The following RHOT2 variants were observed in gnomAD, a reference collection of about 807,000 sequenced individuals.
RHOT2 encodes mitochondrial Rho GTPase 2.
Under a neutral mutation model 81.6 loss-of-function variants are expected in RHOT2, and 90 were observed. That is an observed-to-expected ratio of 1.10 (90% CI 0.93 to 1.31). RHOT2 has a LOEUF of 1.31. Ranked by LOEUF, RHOT2 falls within the 40% of genes most tolerant of loss-of-function variation. The pLI, the probability that RHOT2 is intolerant of heterozygous loss-of-function variation, is 0.00. For missense variants in RHOT2, 1,014 were observed against 841.9 expected (o/e 1.20, Z -2.53); for synonymous variants, 512 against 370.9 (o/e 1.38, Z -4.37).
chr16:670,423 G>T (rs751073581), intron 7 of RHOT2, 33 bp from the exon 8 acceptor site: 2 of 1,607,808 alleles, frequency 1.2e-6, no homozygotes, highest in Admixed American at 3.4e-5. Context: ...CCCTCCTCGG[G>T]GCACTTCCCT....
In RHOT2 at chr16:672,215, T is replaced by C. The variant is rs2039079781; in HGVS notation, c.1195+34T>C. ...CCACCCTCCCTGGGCCTGGGCCCAG[T>C]ATCCTGGCAGCTGCCCTAACCCGTG... is the stretch of plus-strand genomic sequence containing the variant. On this transcript the variant is annotated intron_variant, in intron 14 of 18. Coordinates refer to ENST00000315082, the MANE Select transcript of RHOT2 (RefSeq NM_138769.3). The C allele has an allele frequency of 2.5e-6, 4 of 1,611,936 alleles. No homozygotes were observed. In the East Asian group the frequency reaches 8.9e-5, roughly 36 times the overall value.
rs750472415 is a variant in RHOT2, at chr16:669,558, CGTG to C, written c.232_234del (p.Val78del). 89 of 1,611,948 alleles carry C rather than the reference CGTG, an allele frequency of 5.5e-5. No homozygotes were observed. Among genetic ancestry groups the C allele is most frequent in the Non-Finnish European group, 7.1e-5 (84 of 1,179,850 alleles). On this transcript the variant is annotated inframe_deletion, in exon 5 of 19. Transcript: ENST00000315082. ...CCTCATCACTGTTCCCTCAGGCAAA[CGTG>C]GTGTGTGTGGTGTATGACGTCTCTG...
chr16:672,836 G>A lies in RHOT2; in HGVS notation c.1527+11G>A. On this transcript the variant is annotated intron_variant, in intron 17 of 18. Transcript: ENST00000315082. ...GCCAGCGTCTACAAGGTGGGGCCCT[G>A]CAGGGGCCACGTGGCCATGGGGCAG... is the stretch of plus-strand genomic sequence containing the variant. 6.2e-7 allele frequency: 1 copy of A among 1,612,564 alleles called. No individual in the cohort carries two copies. The highest frequency in any genetic ancestry group is 8.5e-7 in the Non-Finnish European group (1 of 1,179,972).
chr16:671,826 CGGCACACACAT>C, intron 12 of RHOT2, 23 bp from the exon 13 acceptor site: 1 of 1,604,502 alleles, frequency 6.2e-7, no homozygotes, highest in Non-Finnish European at 8.5e-7. Flanking sequence ...GCCCCCTCCC[CGGCACACACAT>C]CACCACATCC....
At position 671,865 on chromosome 16, in the gene RHOT2, C is replaced by T. The variant is rs749815621; in HGVS notation, c.960C>T (p.Arg320=). 7.5e-6 allele frequency: 12 copies of T among 1,607,792 alleles called. No homozygotes were observed. The highest frequency in any genetic ancestry group is 1.6e-4 in the Middle Eastern group (1 of 6,074). ...CCACATCCCTCCTTCTGCAGGACCG[C>T]GACGGCGCCCTCTCGCCCGTGGAGC... The part of the protein sequence containing the change: ...QRVFEKHDQD[R]DGALSPVELQ... The change falls in exon 13 of 19, where the codon CGC becomes CGT. Residue 320 remains arginine, a synonymous_variant. Transcript: ENST00000315082.
intron 4 of RHOT2, chr16:669,308 G>C (rs1448383983): frequency 2.3e-5 from 13 of 571,896 alleles, no homozygotes. Context: ...GGCAGTGGGC[G>C]GGGAAGAGGC....
Position 670,534 on chromosome 16 carries a change from C to G in RHOT2, c.517C>G (p.Leu173Val), listed in dbSNP as rs1476581028. 3.7e-6 allele frequency: 6 copies of G among 1,607,534 alleles called. No individual in the cohort carries two copies. The highest frequency in any genetic ancestry group is 1.1e-5 in the South Asian group (1 of 90,282). Residue 173 changes from leucine (L) to valine (V), a missense_variant, in exon 8 of 19, where the codon CTC becomes GTC. Leu to Val is a conservative substitution (Grantham distance 32). Coordinates refer to ENST00000315082, the MANE Select transcript of RHOT2 (RefSeq NM_138769.3). ...QKAVLHPTAP[L>V]YDPEAKQLRP... ...GGCCGTCCTGCATCCCACAGCCCCC[C>G]TCTATGACCCTGAGGCCAAGCAGGT...
rs2039377050 is a variant in RHOT2, at chr16:674,080, A to G, written c.*474A>G. On this transcript the variant is annotated 3_prime_UTR_variant, in exon 19 of 19. Transcript: ENST00000315082. ...GGAGCCGTTTCCGTGGTTGTAGCAG[A>G]GGACCGGAGGTTGGGTTCCTGATTA... The G allele has an allele frequency of 9.2e-6, 2 of 217,190 alleles. No homozygotes were observed. Among genetic ancestry groups the G allele is most frequent in the Non-Finnish European group, 1.9e-5 (2 of 102,976 alleles). The allele number at this position is 217,190 out of a possible 1,614,324, so 13.5% of individuals were successfully genotyped here.
Position 671,208 on chromosome 16 carries a change from G to A in RHOT2, c.869+5G>A. 1 of 1,542,828 alleles carries A rather than the reference G, an allele frequency of 6.5e-7. No homozygotes were observed. Among genetic ancestry groups the A allele is most frequent in the African/African-American group, 1.4e-5 (1 of 72,976 alleles). ...TGCGGACTATCTCTCCCCTCTGTGA[G>A]TGATGCCGGGGCTTGAGGCCTGCCC... is the stretch of plus-strand genomic sequence containing the variant. On this transcript the variant is annotated splice_donor_5th_base_variant and intron_variant, in intron 11 of 18. Transcript: ENST00000315082.
rs201536375 is a variant in RHOT2, at chr16:673,471, C to G, written c.1731-9C>G. The G allele has an allele frequency of 6.2e-7, 1 of 1,612,672 alleles. No homozygotes were observed. Among genetic ancestry groups the G allele is most frequent in the Admixed American group, 1.7e-5 (1 of 60,008 alleles). ...TGAGGTATCTGCAGATGATTCTTCT[C>G]TCTTGCAGACATTTGGTCCACGCAG... On this transcript the variant is annotated splice_polypyrimidine_tract_variant and intron_variant, in intron 18 of 18. Coordinates refer to ENST00000315082, the MANE Select transcript of RHOT2 (RefSeq NM_138769.3).
intron 12 of RHOT2, 29 bp downstream of exon 12, chr16:671,810 G>GGCCCCGGCCCCC: frequency 8.8e-6 from 14 of 1,586,148 alleles, no homozygotes; most frequent in South Asian, 2.2e-5. Context: ...CCCTGCCCCT[G>GGCCCCGGCCCCC]CCCCCGCCCC....
At chr16:668,124 GC>G, upstream of RHOT2, 1 of 417,452 alleles carries the variant, frequency 2.4e-6, no homozygotes, top group Non-Finnish European at 4.2e-6. Flanking sequence ...CGGGGCGGGC[GC>G]GGGGGCAGAG....
chr16:668,983 C>G (rs562580074), intron 4 of RHOT2: 10 of 514,594 alleles, frequency 1.9e-5, no homozygotes, highest in African/African-American at 1.6e-4. Context: ...TCTGTGTGCG[C>G]CACGTCCCCG....
In RHOT2 at chr16:673,955, AC is replaced by A. The variant is rs1266144531; in HGVS notation, c.*355del. On this transcript the variant is annotated 3_prime_UTR_variant, in exon 19 of 19. Coordinates refer to ENST00000315082, the MANE Select transcript of RHOT2 (RefSeq NM_138769.3). Reference sequence around the variant, plus strand: ...CCAGACCCAGAATTCTCAGGGCTCTACCCCCCTTTCCTGGTCCTAGGTGGCC... The same window carrying A: ...CCAGACCCAGAATTCTCAGGGCTCTACCCCCTTTCCTGGTCCTAGGTGGCC... The A allele has an allele frequency of 1.2e-5, 6 of 505,346 alleles. No homozygotes were observed. Among genetic ancestry groups the A allele is most frequent in the African/African-American group, 5.8e-5 (3 of 51,796 alleles). The allele number at this position is 505,346 out of a possible 1,614,324, so 31.3% of individuals were successfully genotyped here.
chr16:671,789 C>T lies in RHOT2; in HGVS notation c.954+8C>T. ...TTTGAGAAGCACGACCAGGTGAGAG[C>T]ATGGCGAGTCCCCTGCCCCTGCCCC... On this transcript the variant is annotated splice_region_variant and intron_variant, in intron 12 of 18. Coordinates refer to ENST00000315082, the MANE Select transcript of RHOT2 (RefSeq NM_138769.3). 1.2e-6 allele frequency: 2 copies of T among 1,607,722 alleles called. No homozygotes were observed. Among genetic ancestry groups the T allele is most frequent in the Middle Eastern group, 1.7e-4 (1 of 6,042 alleles).
rs199849249 is a variant in RHOT2 at position 673,576 on chromosome 16, A to T, written c.1827A>T (p.Ser609=). The T allele has an allele frequency of 1.2e-6, 2 of 1,611,108 alleles. No homozygotes were observed. Among genetic ancestry groups the T allele is most frequent in the African/African-American group, 2.7e-5 (2 of 74,816 alleles). The stretch of plus-strand genomic sequence containing the variant: ...CCGTGGCCGCAGTCCTCAGCTTCTC[A>T]CTCTACAGGGTCCTGGTGAAGAGCC... ...GAAVAAVLSF[S]LYRVLVKSQ is the part of the protein sequence containing the mutation. The change falls in exon 19 of 19, where the codon TCA becomes TCT. Residue 609 remains serine, a synonymous_variant. Coordinates refer to ENST00000315082, the MANE Select transcript of RHOT2 (RefSeq NM_138769.3).
rs767574962 is a variant in RHOT2, at chr16:672,193, C to T, written c.1195+12C>T. 1.9e-6 allele frequency: 3 copies of T among 1,612,660 alleles called. No individual in the cohort carries two copies. Among genetic ancestry groups the T allele is most frequent in the Admixed American group, 3.3e-5 (2 of 60,022 alleles). On this transcript the variant is annotated intron_variant, in intron 14 of 18. Coordinates refer to ENST00000315082, the MANE Select transcript of RHOT2 (RefSeq NM_138769.3). Reference sequence around the variant, plus strand: ...CCATGCCATCACAGGTAGGCACCCACCCTCCCTGGGCCTGGGCCCAGTATC... The same window carrying T: ...CCATGCCATCACAGGTAGGCACCCATCCTCCCTGGGCCTGGGCCCAGTATC...
intron 15 of RHOT2, 39 bp downstream of exon 15, chr16:672,423 A>AGGGGCCCCT: frequency 6.2e-7 from 1 of 1,607,050 alleles, no homozygotes; most frequent in East Asian, 2.2e-5. Context: ...CAGGGGCTCC[A>AGGGGCCCCT]GGGGCAGGGC....
rs753804713 is a variant in RHOT2, at chr16:669,537, A to G, written c.223-16A>G. 17 of 1,610,898 alleles carry G rather than the reference A, an allele frequency of 1.1e-5. No individual in the cohort carries two copies. The highest frequency in any genetic ancestry group is 1.4e-5 in the Non-Finnish European group (16 of 1,179,574). On this transcript the variant is annotated splice_polypyrimidine_tract_variant and intron_variant, in intron 4 of 18. Transcript: ENST00000315082. ...CCAGCAGCCCTGTCACCCACACCTC[A>G]TCACTGTTCCCTCAGGCAAACGTGG...
Sources: gnomAD v4.1 joint callset for allele counts on GRCh38, gnomAD v4.1.1 for gene constraint, MANE v1.5 for transcripts, NCBI Gene and HGNC (gene_info 2026-07-23, HGNC 2026-07-21) for gene names.